ARHGAP17: variants seen among roughly 807,000 people sequenced by gnomAD.
The protein encoded by ARHGAP17 is Rho GTPase activating protein 17, also known as rho GTPase-activating protein 17.
In ARHGAP17, 57 loss-of-function variants were observed where a neutral mutation model predicts 99.5. That is an observed-to-expected ratio of 0.57 (90% CI 0.46 to 0.71). ARHGAP17 has a LOEUF of 0.71. Ranked by LOEUF, ARHGAP17 falls within the 30% of genes least tolerant of loss-of-function variation. ARHGAP17 has a pLI of 0.00. For synonymous variants in ARHGAP17, 417 were observed against 429.6 expected (o/e 0.97, Z 0.36); for missense variants, 1,000 against 1,122.4 (o/e 0.89, Z 1.56).
At chr16:24,928,165 G>A (rs889083051) in intron 19 of ARHGAP17, among the ~76,000 whole-genome samples, 12 of 152,212 alleles carry the variant, frequency 7.9e-5, no homozygotes, top group Non-Finnish European at 1.8e-4. Flanking sequence ...CTACATCCAA[G>A]AATGGTTAAT....
At position 24,920,112 on chromosome 16, in the gene ARHGAP17, G is replaced by C; in HGVS notation, c.*18C>G. The stretch of plus-strand genomic sequence containing the variant: ...CTCGCCAGGGTGGAAGTGGTGGAGG[G>C]CTGGGAAAGGGCTTTCTTCACAGGG... On this transcript the variant is annotated 3_prime_UTR_variant, in exon 20 of 20. Coordinates refer to ENST00000289968, the MANE Select transcript of ARHGAP17 (RefSeq NM_001006634.3). 1 of 1,610,182 alleles carries C rather than the reference G, an allele frequency of 6.2e-7. No individual in the cohort carries two copies. The highest frequency in any genetic ancestry group is 8.5e-7 in the Non-Finnish European group (1 of 1,177,162).
At chr16:24,968,040 T>C (rs764860743) in intron 6 of ARHGAP17, among the ~76,000 whole-genome samples, 1 of 152,182 alleles carries the variant, frequency 6.6e-6, no homozygotes, top group Non-Finnish European at 1.5e-5. Context: ...GGGCCACAGA[T>C]GTGTTTATTC....
At chr16:24,998,650 A>T (rs1259493001) in intron 1 of ARHGAP17, among the ~76,000 whole-genome samples, 1 of 152,222 alleles carries the variant, frequency 6.6e-6, no homozygotes, top group African/African-American at 2.4e-5. Flanking sequence ...GGCAGCATTC[A>T]TTCAGCCCAG....
In ARHGAP17 at chr16:24,919,962, C is replaced by G. The variant is rs1427264948; in HGVS notation, c.*168G>C. 1.1e-6 allele frequency: 1 copy of G among 917,782 alleles called. No homozygotes were observed. The highest frequency in any genetic ancestry group is 1.7e-5 in the African/African-American group (1 of 59,568). The allele number at this position is 917,782 out of a possible 1,614,324, so 56.9% of individuals were successfully genotyped here. ...ACAGGTCATTCAGCTTTAGTGGTGGCCTCCAGGTTCTCCTTGGGCCGTGCA... is the reference window on the plus strand; with the variant it reads ...ACAGGTCATTCAGCTTTAGTGGTGGGCTCCAGGTTCTCCTTGGGCCGTGCA... On this transcript the variant is annotated 3_prime_UTR_variant, in exon 20 of 20. Coordinates refer to ENST00000289968, the MANE Select transcript of ARHGAP17 (RefSeq NM_001006634.3).
At chr16:24,945,359 A>G (rs946454547) in intron 14 of ARHGAP17, among the ~76,000 whole-genome samples, 1 of 149,928 alleles carries the variant, frequency 6.7e-6, no homozygotes, top group Non-Finnish European at 1.5e-5. Flanking sequence ...GAAGAAGAAG[A>G]AGAAAAAAGT....
intron 1 of ARHGAP17, among the ~76,000 whole-genome samples, chr16:24,982,976 A>ATATATATATATATATT (rs1555467395): frequency 5.9e-4 from 12 of 20,236 alleles, no homozygotes; most frequent in African/African-American, 2.0e-3. Context: ...ATATATATAT[A>ATATATATATATATATT]TATATATATA....
chr16:24,931,277 G>T lies in ARHGAP17; in HGVS notation c.2022C>A (p.Ser674Arg). The T allele has an allele frequency of 1.3e-6, 2 of 1,531,340 alleles. No individual in the cohort carries two copies. Among genetic ancestry groups the T allele is most frequent in the Non-Finnish European group, 1.8e-6 (2 of 1,139,458 alleles). The allele number at this position is 1,531,340 out of a possible 1,614,324, so 94.9% of individuals were successfully genotyped here. A position where few individuals can be genotyped will look rare whatever the true frequency, so the allele number is the denominator to read the frequency against. ...PSLSPKPPTR[S>R]PSPPTQHTGQ... ...CCGTGTGCTGGGTGGGAGGAGAGGG[G>T]CTTCGGGTGGGTGGCTTTGGTGACA... The change falls in exon 19 of 20, where the codon AGC (serine) becomes AGA (arginine). Residue 674 changes from serine to arginine, a missense_variant. Ser to Arg is a moderately radical substitution (Grantham distance 110). Coordinates refer to ENST00000289968, the MANE Select transcript of ARHGAP17 (RefSeq NM_001006634.3).
chr16:24,993,516 G>C (rs999923352), intron 1 of ARHGAP17, among the ~76,000 whole-genome samples: 1 of 151,780 alleles, frequency 6.6e-6, no homozygotes, highest in Non-Finnish European at 1.5e-5. Flanking sequence ...TTGAACCCAG[G>C]AGGCGAAGGT....
chr16:24,965,132 T>G (rs1024398929), intron 6 of ARHGAP17, among the ~76,000 whole-genome samples: 8 of 151,994 alleles, frequency 5.3e-5, no homozygotes, highest in Non-Finnish European at 1.0e-4. Flanking sequence ...TGTGGAAAAC[T>G]CTATCACTTT....
In ARHGAP17 at chr16:25,015,162, T is replaced by A; in HGVS notation, c.53+47A>T. On this transcript the variant is annotated intron_variant, in intron 1 of 19. Transcript: ENST00000289968. Reference sequence around the variant, plus strand: ...CGTCCCGCCCCCGCGCCCTCCGCCCTCCGCCCCCAGCCCCGGTGCGACCCC... The same window carrying A: ...CGTCCCGCCCCCGCGCCCTCCGCCCACCGCCCCCAGCCCCGGTGCGACCCC... 6.0e-6 allele frequency: 7 copies of A among 1,163,876 alleles called. No individual in the cohort carries two copies. In the African/African-American group the frequency reaches 7.0e-5, roughly 12 times the overall value. The allele number at this position is 1,163,876 out of a possible 1,614,324, so 72.1% of individuals were successfully genotyped here. A position where few individuals can be genotyped will look rare whatever the true frequency, so the allele number is the denominator to read the frequency against.
rs2050680551 is a variant in ARHGAP17 at position 24,920,104 on chromosome 16, G to A, written c.*26C>T. 13 of 1,608,860 alleles carry A rather than the reference G, an allele frequency of 8.1e-6. No individual in the cohort carries two copies. The highest frequency in any genetic ancestry group is 1.1e-5 in the Non-Finnish European group (13 of 1,176,192). On this transcript the variant is annotated 3_prime_UTR_variant, in exon 20 of 20. Transcript: ENST00000289968. ...CTGCTCCACTCGCCAGGGTGGAAGT[G>A]GTGGAGGGCTGGGAAAGGGCTTTCT...
intron 10 of ARHGAP17, 76 bp from the exon 11 acceptor site, chr16:24,953,118 G>T: frequency 1.5e-6 from 2 of 1,344,960 alleles, no homozygotes; most frequent in Non-Finnish European, 2.1e-6. Flanking sequence ...GTTCTGATGG[G>T]TATTTCCTGA....
At chr16:24,997,844 G>A (rs1386254782) in intron 1 of ARHGAP17, among the ~76,000 whole-genome samples, 1 of 152,230 alleles carries the variant, frequency 6.6e-6, no homozygotes, top group Non-Finnish European at 1.5e-5. Context: ...GCTGGGTGAA[G>A]GGACCTGTTG....
At chr16:24,972,943 T>G (rs1567241566) in intron 3 of ARHGAP17, among the ~76,000 whole-genome samples, 2 of 151,832 alleles carry the variant, frequency 1.3e-5, no homozygotes, top group Non-Finnish European at 2.9e-5. Context: ...GATAATTTTT[T>G]TTTTTTTTTA....
chr16:25,010,706 C>G (rs188322080), intron 1 of ARHGAP17, among the ~76,000 whole-genome samples: 2 of 152,338 alleles, frequency 1.3e-5, no homozygotes, highest in Non-Finnish European at 2.9e-5. Flanking sequence ...GGATTAAACG[C>G]CAGCTAGTTA....
chr16:24,968,981 CT>C (rs2052279875), intron 4 of ARHGAP17, among the ~76,000 whole-genome samples: 1 of 152,194 alleles, frequency 6.6e-6, no homozygotes, highest in East Asian at 1.9e-4. Context: ...CAGGGATGCA[CT>C]TTGTGTGTGT....
chr16:25,003,498 G>A (rs2053427240), intron 1 of ARHGAP17, among the ~76,000 whole-genome samples: 1 of 152,096 alleles, frequency 6.6e-6, no homozygotes, highest in Non-Finnish European at 1.5e-5. Context: ...ATAGCCATGA[G>A]CCACCATGCC....
At chr16:24,975,042 T>C (rs944961679) in intron 3 of ARHGAP17, among the ~76,000 whole-genome samples, 17 of 152,120 alleles carry the variant, frequency 1.1e-4, no homozygotes, top group African/African-American at 4.1e-4. Flanking sequence ...TAGTCCCAGC[T>C]ACTTAAAGGT....
chr16:24,974,583 C>T (rs574941840), intron 3 of ARHGAP17, among the ~76,000 whole-genome samples: 5 of 152,004 alleles, frequency 3.3e-5, no homozygotes, highest in Non-Finnish European at 7.4e-5. Context: ...AACCACTGAG[C>T]CAAGATTTTT....
Sources: allele counts gnomAD v4.1 joint callset (sites outside exome capture counted in the v4.1 genomes callset), GRCh38; gene constraint gnomAD v4.1.1; transcripts MANE v1.5; gene names NCBI Gene and HGNC (gene_info 2026-07-23, HGNC 2026-07-21).